Variants in MDM4 observed in about 807,000 individuals in gnomAD.
MDM4 encodes protein Mdm4.
Under a neutral mutation model 60.2 loss-of-function variants are expected in MDM4, and 2 were observed. The ratio of observed to expected loss-of-function variants is 0.03; its 90% CI spans 0.01 to 0.10. The LOEUF (loss-of-function observed/expected upper bound fraction) is 0.10, where lower values mean the gene tolerates loss of function less well. MDM4 is among the 10% of genes least tolerant of loss of function. The pLI, the probability that MDM4 is intolerant of heterozygous loss-of-function variation, is 1.00. For synonymous variants in MDM4, 202 were observed against 198.1 expected, an observed-to-expected ratio of 1.02 and a Z score of -0.17; for missense variants, 447 against 577.5, an observed-to-expected ratio of 0.77 and a Z score of 2.32.
intron 3 of MDM4, among the ~76,000 whole-genome samples, chr1:204,527,199 T>C (rs1481855806): frequency 1.3e-5 from 2 of 150,402 alleles, no homozygotes; most frequent in Admixed American, 1.3e-4. Context: ...AGCAGCTACA[T>C]GGGAGGCTGA....
chr1:204,538,747 CCAGGTTGGAGTG>C (rs1285359058), intron 7 of MDM4, among the ~76,000 whole-genome samples: 1 of 151,618 alleles, frequency 6.6e-6, no homozygotes, highest in Non-Finnish European at 1.5e-5. Flanking sequence ...CCTGGGTCAC[CCAGGTTGGAGTG>C]CAGCAGTGCG....
rs1558343413 is a variant in MDM4 at position 204,552,890 on chromosome 1, C to CTTTTTTTTTTTTTTTTTTTT, written c.*3210_*3211insTTTTTTTTTTTTTTTTTTTT. The CTTTTTTTTTTTTTTTTTTTT allele has an allele frequency of 6.9e-6, 1 of 145,942 alleles. No homozygotes were observed. The allele number at this position is 145,942 out of a possible 1,614,324, so 9.0% of individuals were successfully genotyped here. A position where few individuals can be genotyped will look rare whatever the true frequency, so the allele number is the denominator to read the frequency against. Reference sequence around the variant, plus strand: ...TTCTTTTCTTTTTTTTTTTTTTTTACTTGAGATGGAGTTTTGCTCTTGTCG... The same window carrying CTTTTTTTTTTTTTTTTTTTT: ...TTCTTTTCTTTTTTTTTTTTTTTTACTTTTTTTTTTTTTTTTTTTTTTGAGATGGAGTTTTGCTCTTGTCG... On this transcript the variant is annotated 3_prime_UTR_variant, in exon 11 of 11. Transcript: ENST00000367182.
chr1:204,518,344 T>A (rs1398267649), intron 1 of MDM4, among the ~76,000 whole-genome samples: 3 of 152,182 alleles, frequency 2.0e-5, no homozygotes, highest in Non-Finnish European at 4.4e-5. Flanking sequence ...TCTATAACAA[T>A]CGTTAATCTT....
At chr1:204,528,125 A>G (rs1327292777) in intron 3 of MDM4, among the ~76,000 whole-genome samples, 1 of 142,586 alleles carries the variant, frequency 7.0e-6, no homozygotes, top group Non-Finnish European at 1.5e-5. Context: ...TTACAATTTC[A>G]CTGAACTTTT....
At chr1:204,542,534 A>G (rs1662209386) in intron 7 of MDM4, among the ~76,000 whole-genome samples, 1 of 152,070 alleles carries the variant, frequency 6.6e-6, no homozygotes, top group Non-Finnish European at 1.5e-5. Flanking sequence ...CTCATAGAAG[A>G]CAATGCTTTT....
chr1:204,528,865 T>C (rs1417249464), intron 3 of MDM4: 5 of 1,578,128 alleles, frequency 3.2e-6, no homozygotes, highest in African/African-American at 1.3e-5. Context: ...CGAGCTGTCA[T>C]GGTGACGACG....
intron 4 of MDM4, 68 bp from the exon 5 acceptor site, chr1:204,532,123 C>T (rs1023265609): frequency 2.1e-5 from 19 of 925,218 alleles, no homozygotes; most frequent in Admixed American, 3.7e-5. Flanking sequence ...TAATATTTAA[C>T]GGCAAACCAC....
chr1:204,536,193 A>G (rs1661403415), intron 5 of MDM4, among the ~76,000 whole-genome samples: 1 of 152,170 alleles, frequency 6.6e-6, no homozygotes, highest in African/African-American at 2.4e-5. Context: ...TAGAGGTTTT[A>G]GTGAGCCGAG....
rs1663312065 is a variant in MDM4, at chr1:204,552,731, C to T, written c.*3049C>T. The T allele has an allele frequency of 5.4e-6, 1 of 184,134 alleles. No homozygotes were observed. Among genetic ancestry groups the T allele is most frequent in the Admixed American group, 6.2e-5 (1 of 16,046 alleles). 11.4% of individuals were successfully genotyped at this position (184,134 alleles called of 1,614,324 possible). ...CCCATGAAAGAATCCTCTTAGGCTG[C>T]TCAGCTTCACTCTTCCTGCTTGCCC... On this transcript the variant is annotated 3_prime_UTR_variant, in exon 11 of 11. Coordinates refer to ENST00000367182, the MANE Select transcript of MDM4 (RefSeq NM_002393.5).
chr1:204,526,278 T>G (rs1029974490), intron 2 of MDM4, 82 bp from the exon 3 acceptor site: 82 of 1,193,270 alleles, frequency 6.9e-5, no homozygotes, highest in Middle Eastern at 5.0e-4. Flanking sequence ...CGGGGGGAGC[T>G]GTTTAAAGAG....
In MDM4 at chr1:204,549,194, G is replaced by T. The variant is rs754429631; in HGVS notation, c.985G>T (p.Asp329Tyr). Residue 329 changes from aspartate (D) to tyrosine (Y), a missense_variant, in exon 11 of 11, where the codon GAT (aspartate) becomes TAT (tyrosine). By Grantham distance (160) the Asp-to-Tyr change is radical. Around this residue, in one of 8 missense-constraint regions of MDM4, gnomAD observed 21 missense variants for 46.7 expected, o/e 0.45. Transcript: ENST00000367182. Reference sequence around the variant, plus strand: ...TTTTCGTTGTTGGGCCTTGAGGAAGGATTGGTATTCAGATTGTTCAAAGTT... The same window carrying T: ...TTTTCGTTGTTGGGCCTTGAGGAAGTATTGGTATTCAGATTGTTCAAAGTT... Reference protein sequence around the residue: ...YCFRCWALRKDWYSDCSKLTH... With the variant: ...YCFRCWALRKYWYSDCSKLTH... 3.7e-6 allele frequency: 6 copies of T among 1,613,926 alleles called. No homozygotes were observed. The highest frequency in any genetic ancestry group is 5.1e-6 in the Non-Finnish European group (6 of 1,179,800).
rs71147703 is a variant in MDM4 at position 204,552,872 on chromosome 1, C to CTTTTTTTTTTTTTTT, written c.*3192_*3206dup. 7.5e-6 allele frequency: 1 copy of CTTTTTTTTTTTTTTT among 133,572 alleles called. No homozygotes were observed. The allele number at this position is 133,572 out of a possible 1,614,324, so 8.3% of individuals were successfully genotyped here. On this transcript the variant is annotated 3_prime_UTR_variant, in exon 11 of 11. Transcript: ENST00000367182. ...AACTTTAAACTATTTCTTTTCTTTTCTTTTTTTTTTTTTTTTACTTGAGAT... is the reference window on the plus strand; with the variant it reads ...AACTTTAAACTATTTCTTTTCTTTTCTTTTTTTTTTTTTTTTTTTTTTTTTTTTTTTACTTGAGAT...
chr1:204,520,005 C>T (rs892397377), intron 1 of MDM4, among the ~76,000 whole-genome samples: 6 of 151,594 alleles, frequency 4.0e-5, no homozygotes, highest in African/African-American at 1.2e-4. Flanking sequence ...AGGCTGGGCG[C>T]GGTGGCTTAT....
intron 2 of MDM4, 53 bp downstream of exon 2, chr1:204,525,649 TAAAAAG>T: frequency 7.9e-7 from 1 of 1,265,314 alleles, no homozygotes; most frequent in Non-Finnish European, 1.1e-6. Flanking sequence ...TTTTAATTTT[TAAAAAG>T]TTTAGCTGTC....
intron 1 of MDM4, among the ~76,000 whole-genome samples, chr1:204,522,770 G>A (rs1659695354): frequency 6.6e-6 from 1 of 152,130 alleles, no homozygotes; most frequent in Non-Finnish European, 1.5e-5. Flanking sequence ...TAAGGTAATG[G>A]GAGAGGGAGG....
At position 204,536,895 on chromosome 1, in the gene MDM4, A is replaced by G. The variant is rs1207367337; in HGVS notation, c.344-535A>G. 1.3e-5 allele frequency: 5 copies of G among 386,644 alleles called. No homozygotes were observed. The East Asian group carries it at 2.5e-4, about 19-fold the overall frequency. The allele number at this position is 386,644 out of a possible 1,614,324, so 24.0% of individuals were successfully genotyped here. On this transcript the variant is annotated intron_variant, in intron 5 of 10. Coordinates refer to ENST00000367182, the MANE Select transcript of MDM4 (RefSeq NM_002393.5). ...GGTGATGGTAATGGGAATTTAAACC[A>G]TAAAATTATCCTTGACACTTAGAAT...
intron 4 of MDM4, 89 bp downstream of exon 4, chr1:204,530,906 C>T (rs1660789520): frequency 2.0e-6 from 3 of 1,533,208 alleles, no homozygotes; most frequent in Admixed American, 1.8e-5. Context: ...TTACTTCACT[C>T]AACAAATATG....
At chr1:204,536,388 G>A (rs758792037) in intron 5 of MDM4, among the ~76,000 whole-genome samples, 1 of 152,174 alleles carries the variant, frequency 6.6e-6, no homozygotes, top group Non-Finnish European at 1.5e-5. Context: ...TGGAAATAAT[G>A]TTTTTTATAA....
intron 1 of MDM4, 129 bp from the exon 2 acceptor site, chr1:204,525,355 C>T: frequency 7.2e-7 from 1 of 1,391,218 alleles, no homozygotes. Flanking sequence ...GGGTATACAG[C>T]ATTTGTGTAC....
Sources: gnomAD v4.1 joint callset for allele counts (sites outside exome capture counted in the v4.1 genomes callset) on GRCh38, gnomAD v4.1.1 for gene constraint, gnomAD v4.1.1 regional missense constraint, MANE v1.5 for transcripts, NCBI Gene and HGNC (gene_info 2026-07-23, HGNC 2026-07-21) for gene names.